Variants in ITPR3 observed in about 807,000 individuals in gnomAD.
ITPR3 encodes the protein inositol 1,4,5-trisphosphate receptor type 3.
Under a neutral mutation model 293.2 loss-of-function variants are expected in ITPR3, and 173 were observed. The ratio of observed to expected loss-of-function variants is 0.59; its 90% confidence interval spans 0.52 to 0.67. The LOEUF is 0.67. Among genes scored for constraint, ITPR3 ranks in the 30% least tolerant of loss-of-function variants. The pLI, the probability that ITPR3 is intolerant of heterozygous loss-of-function variation, is 0.00. For missense variants in ITPR3, 2,796 were observed against 3,592.1 expected, an observed-to-expected ratio of 0.78 and a Z score of 5.66; for synonymous variants, 1,295 against 1,444.4, an observed-to-expected ratio of 0.90 and a Z score of 2.35.
chr6:33,680,264 T>C lies in ITPR3; in HGVS notation c.4225-65T>C, dbSNP rs185041131. 111 of 1,583,700 alleles carry C rather than the reference T, an allele frequency of 7.0e-5. No individual in the cohort carries two copies. The East Asian group carries it at 2.3e-3, about 33-fold the overall frequency. On this transcript the variant is annotated intron_variant, in intron 31 of 57. Transcript: ENST00000605930. ...AACCGGAGGCCAGGGGACAGGAGCA[T>C]TGTGGCAGGGAGAGCCTGGCCAGGC...
At chr6:33,668,196 C>T (rs561716353) in intron 16 of ITPR3, among the ~76,000 whole-genome samples, 2 of 152,318 alleles carry the variant, frequency 1.3e-5, no homozygotes, top group African/African-American at 2.4e-5. Context: ...CCACTAGAGG[C>T]CCCCAAGACC....
chr6:33,682,490 G>A lies in ITPR3; in HGVS notation c.4477-34G>A. 1 of 1,491,512 alleles carries A rather than the reference G, an allele frequency of 6.7e-7. No individual in the cohort carries two copies. Among genetic ancestry groups the A allele is most frequent in the African/African-American group, 1.4e-5 (1 of 69,266 alleles). The allele number at this position is 1,491,512 out of a possible 1,614,324, so 92.4% of individuals were successfully genotyped here. A position where few individuals can be genotyped will look rare whatever the true frequency, so the allele number is the denominator to read the frequency against. ...CTGGGGTTGCCCAGGGTGGGGGCCT[G>A]GGCTGCAGCAGCGGGCTCTGTGACT... On this transcript the variant is annotated intron_variant, in intron 33 of 57. Transcript: ENST00000605930. This position sits in a 1 kb window ranked among gnomAD's most constrained non-coding sequence, Gnocchi z 5.4.
In ITPR3 at chr6:33,668,968, C is replaced by A; in HGVS notation, c.2007-6C>A. 2 of 1,612,620 alleles carry A rather than the reference C, an allele frequency of 1.2e-6. No homozygotes were observed. Among genetic ancestry groups the A allele is most frequent in the South Asian group, 1.1e-5 (1 of 90,960 alleles). On this transcript the variant is annotated splice_polypyrimidine_tract_variant and splice_region_variant and intron_variant, in intron 17 of 57. Coordinates refer to ENST00000605930, the MANE Select transcript of ITPR3 (RefSeq NM_002224.4). ...CTCCCTGTGACAGGTTGCTGGTGGT[C>A]TGCAGGCTTCGGCCCGTGAAGGAGA...
intron 1 of ITPR3, among the ~76,000 whole-genome samples, chr6:33,622,748 C>T (rs1053723814): frequency 6.6e-6 from 1 of 152,146 alleles, no homozygotes; most frequent in Non-Finnish European, 1.5e-5. Flanking sequence ...TGATGCTGGA[C>T]AGGGCCCGGC....
intron 1 of ITPR3, among the ~76,000 whole-genome samples, chr6:33,631,936 CAA>C (rs1763687973): frequency 6.6e-6 from 1 of 152,308 alleles, no homozygotes; most frequent in East Asian, 1.9e-4. Flanking sequence ...AGTAATGCAA[CAA>C]AGAGTAATAT....
Position 33,633,088 on chromosome 6 carries a change from G to GTT in ITPR3, c.90-7390_90-7389dup, listed in dbSNP as rs1413347456. On this transcript the variant is annotated intron_variant, in intron 1 of 57. Transcript: ENST00000605930. The surrounding 1 kb of genome is among the most constrained non-coding windows in gnomAD (Gnocchi z 5.2). ...TATAGAGTCGCGCGATGGAGGGGCA[G>GTT]TTTTTTTGTGATCTTGGCTGGGGTA... 6.6e-6 allele frequency among the ~76,000 whole-genome samples: 1 copy of GTT among 152,208 alleles called. No homozygotes were observed. Among genetic ancestry groups the GTT allele is most frequent in the Non-Finnish European group, 1.5e-5 (1 of 68,026 alleles).
chr6:33,663,417 T>C, intron 9 of ITPR3, 83 bp from the exon 10 acceptor site: 1 of 1,385,722 alleles, frequency 7.2e-7, no homozygotes, highest in Non-Finnish European at 1.0e-6. Flanking sequence ...CAGGGCCCTA[T>C]GTAGGTGACC....
intron 2 of ITPR3, among the ~76,000 whole-genome samples, chr6:33,641,224 TG>T (rs926440267): frequency 6.6e-6 from 1 of 152,080 alleles, no homozygotes; most frequent in African/African-American, 2.4e-5. Context: ...CAAGCCAGGG[TG>T]AGGTGCTATT....
At position 33,687,208 on chromosome 6, in the gene ITPR3, C is replaced by T. The variant is rs1417527559; in HGVS notation, c.6076-18C>T. Reference sequence around the variant, plus strand: ...CCGCCCTAGGAAGAGAGCATTGGAACAGGCACTGCCCCTCCAGGTGGACGT... The same window carrying T: ...CCGCCCTAGGAAGAGAGCATTGGAATAGGCACTGCCCCTCCAGGTGGACGT... On this transcript the variant is annotated intron_variant, in intron 44 of 57. Transcript: ENST00000605930. This position sits in a 1 kb window ranked among gnomAD's most constrained non-coding sequence, Gnocchi z 5.3. The T allele has an allele frequency of 6.2e-7, 1 of 1,601,780 alleles. No individual in the cohort carries two copies. Among genetic ancestry groups the T allele is most frequent in the African/African-American group, 1.3e-5 (1 of 74,682 alleles).
intron 3 of ITPR3, among the ~76,000 whole-genome samples, chr6:33,657,675 T>A (rs1459141354): frequency 6.6e-6 from 1 of 151,462 alleles, no homozygotes; most frequent in Non-Finnish European, 1.5e-5. Context: ...GGGAGGTGGC[T>A]GGGGAGGGTT....
Position 33,684,564 on chromosome 6 carries a change from C to A in ITPR3, c.5047-34C>A, listed in dbSNP as rs748295178. The A allele has an allele frequency of 6.2e-7, 1 of 1,610,050 alleles. No homozygotes were observed. The highest frequency in any genetic ancestry group is 1.1e-5 in the South Asian group (1 of 90,992). The stretch of plus-strand genomic sequence containing the variant: ...GGCCAGTGGTCAGTGGTGGGCTGTA[C>A]CCACAATGGGGCCTCACTCCCATCC... On this transcript the variant is annotated intron_variant, in intron 37 of 57. Coordinates refer to ENST00000605930, the MANE Select transcript of ITPR3 (RefSeq NM_002224.4). The surrounding 1 kb of genome is among the most constrained non-coding windows in gnomAD (Gnocchi z 4.2).
intron 1 of ITPR3, among the ~76,000 whole-genome samples, chr6:33,623,906 C>T (rs1763497354): frequency 6.6e-6 from 1 of 152,232 alleles, no homozygotes; most frequent in South Asian, 2.1e-4. Flanking sequence ...GCATGGCTTT[C>T]TAGCATCGGC....
chr6:33,670,375 C>G lies in ITPR3; in HGVS notation c.2240C>G (p.Ala747Gly). 1 of 1,614,098 alleles carries G rather than the reference C, an allele frequency of 6.2e-7. No individual in the cohort carries two copies. The highest frequency in any genetic ancestry group is 8.5e-7 in the Non-Finnish European group (1 of 1,180,030). The change falls in exon 19 of 58, where the codon GCC becomes GGC. Residue 747 changes from alanine to glycine, a missense_variant. By Grantham distance (60) the Ala-to-Gly change is moderately conservative (BLOSUM62 0). Transcript: ENST00000605930. The surrounding 1 kb of genome is among the most constrained non-coding windows in gnomAD (Gnocchi z 6.7). ...ATGTGCTTGGACCGCCAGTACTTGG[C>G]CATCGACGAGATCTCCCAGCAGCTG... is the stretch of plus-strand genomic sequence containing the variant. ...ARMCLDRQYL[A>G]IDEISQQLGV...
At position 33,662,632 on chromosome 6, in the gene ITPR3, T is replaced by A. The variant is rs762371661; in HGVS notation, c.816T>A (p.Ser272=). Residue 272 remains serine, a synonymous_variant, in exon 8 of 58, where the codon TCT becomes TCA. Coordinates refer to ENST00000605930, the MANE Select transcript of ITPR3 (RefSeq NM_002224.4). The part of the protein sequence containing the change: ...QVFLRTTLRQ[S]ATSATSSNAL... ...TCCTGCGAACTACACTGCGCCAGTC[T>A]GCCACCTCGGCCACCAGCTCCAATG... 2 of 1,610,954 alleles carry A rather than the reference T, an allele frequency of 1.2e-6. No individual in the cohort carries two copies. The highest frequency in any genetic ancestry group is 2.2e-5 in the South Asian group (2 of 91,084).
intron 33 of ITPR3, among the ~76,000 whole-genome samples, chr6:33,680,913 T>C (rs4713655): frequency 0.42 from 62,355 of 149,920 alleles, 15,294 homozygotes; most frequent in East Asian, 0.88. Flanking sequence ...CTCTGCCTCC[T>C]GGGTTCACGC....
At chr6:33,627,009 T>C (rs886858057) in intron 1 of ITPR3, among the ~76,000 whole-genome samples, 33 of 152,184 alleles carry the variant, frequency 2.2e-4, no homozygotes, top group Non-Finnish European at 4.6e-4. Flanking sequence ...GGTTTCTCCA[T>C]GTTGGTCAAG....
At chr6:33,659,908 G>A (rs773275152) in intron 7 of ITPR3, among the ~76,000 whole-genome samples, 3 of 152,108 alleles carry the variant, frequency 2.0e-5, no homozygotes, top group Admixed American at 2.0e-4. Context: ...CCAGGCCCCC[G>A]CCCCTTGCCC....
intron 2 of ITPR3, among the ~76,000 whole-genome samples, chr6:33,642,573 A>G (rs4711333): frequency 0.96 from 145,287 of 152,110 alleles, 69,615 homozygotes; most frequent in East Asian, 1. Flanking sequence ...GCTTCTAGTG[A>G]ACAGTTTGGG....
chr6:33,628,254 C>T (rs147497774), intron 1 of ITPR3, among the ~76,000 whole-genome samples: 1 of 152,206 alleles, frequency 6.6e-6, no homozygotes, highest in Non-Finnish European at 1.5e-5. Context: ...GCTGGGACAC[C>T]CCTCTCTGGG....
Sources: allele counts gnomAD v4.1 joint callset (sites outside exome capture counted in the v4.1 genomes callset), GRCh38; gene constraint gnomAD v4.1.1; non-coding constraint Gnocchi (gnomAD v3.1); transcripts MANE v1.5; gene names NCBI Gene and HGNC (gene_info 2026-07-23, HGNC 2026-07-21).